RDH13: variants seen among roughly 807,000 people sequenced by gnomAD.
RDH13 encodes retinol dehydrogenase 13.
A neutral mutation model predicts 28.3 loss-of-function variants in RDH13; 35 were observed. The observed-to-expected ratio is 1.24, with a 90% CI of 0.95 to 1.64. RDH13 has a LOEUF of 1.64. Among genes scored for constraint, RDH13 ranks in the 40% most tolerant of loss-of-function variants. RDH13 has a pLI of 0.00. For missense variants in RDH13, 514 were observed against 446.3 expected (o/e 1.15, Z -1.37); for synonymous variants, 229 against 198.5 (o/e 1.15, Z -1.29).
At chr19:55,042,616 G>A (rs2075068027), downstream of RDH13, 1 of 152,212 alleles carries the variant, frequency 6.6e-6, no homozygotes, top group Admixed American at 6.6e-5. Context: ...CTCCCAGTAA[G>A]AAATACCTAC....
chr19:55,048,870 G>A (rs2147003575), intron 3 of RDH13, 107 bp from the exon 4 acceptor site: 2 of 997,724 alleles, frequency 2.0e-6, no homozygotes, highest in Non-Finnish European at 3.1e-6. Flanking sequence ...TGTGGCCTGT[G>A]CCGGAAACAG....
At chr19:55,048,302 G>A (rs767248180) in intron 5 of RDH13, 27 bp downstream of exon 5, 2 of 1,613,238 alleles carry the variant, frequency 1.2e-6, no homozygotes, top group African/African-American at 1.3e-5. Flanking sequence ...TAAAGCAAGA[G>A]GGAGGCCGAG....
At chr19:55,061,058 C>T (rs1270251250) in intron 1 of RDH13, among the ~76,000 whole-genome samples, 3 of 152,104 alleles carry the variant, frequency 2.0e-5, no homozygotes, top group Non-Finnish European at 2.9e-5. Flanking sequence ...CGCCACATTC[C>T]TCCACTCTTG....
In RDH13 at chr19:55,044,818, A is replaced by C; in HGVS notation, c.*256T>G. ...CTTCCTCCTCGGCCATTCCCAGTTT[A>C]GATTCCCAGGGGAAGCATCAGATGG... is the stretch of plus-strand genomic sequence containing the variant. On this transcript the variant is annotated 3_prime_UTR_variant, in exon 7 of 7. Transcript: ENST00000415061. The C allele has an allele frequency of 4.3e-6, 2 of 462,092 alleles. No individual in the cohort carries two copies. Among genetic ancestry groups the C allele is most frequent in the Non-Finnish European group, 7.6e-6 (2 of 264,172 alleles). 28.6% of individuals were successfully genotyped at this position (462,092 alleles called of 1,614,324 possible).
intron 3 of RDH13, among the ~76,000 whole-genome samples, chr19:55,052,430 G>A (rs2075476476): frequency 6.6e-6 from 1 of 151,386 alleles, no homozygotes; most frequent in Admixed American, 6.6e-5. Flanking sequence ...TGTAATCCCA[G>A]CTACTCGGGA....
chr19:55,047,045 CAG>C (rs2075258346), intron 6 of RDH13: 3 of 958,088 alleles, frequency 3.1e-6, no homozygotes, highest in Non-Finnish European at 4.1e-6. Flanking sequence ...GAAACAGGCT[CAG>C]AGGGGTAACA....
At chr19:55,068,113 TTCTC>T (rs111429895), upstream of RDH13, among the ~76,000 whole-genome samples, 15 of 144,310 alleles carry the variant, frequency 1.0e-4, no homozygotes, top group East Asian at 1.3e-3. Context: ...CTCTTCCTGT[TTCTC>T]TCTTTCTCTT....
chr19:55,048,699 G>C lies in RDH13; in HGVS notation c.405C>G (p.Thr135=). ...AGVMRCPHWT[T]EDGFEMQFGV... is the part of the protein sequence containing the mutation. ...CAAACTGCATCTCGAAGCCGTCCTC[G>C]GTGGTCCAGTGGGGGCACCGCATCA... Residue 135 remains threonine (T), a synonymous_variant, in exon 4 of 7, where the codon ACC becomes ACG. Transcript: ENST00000415061. 1 of 1,613,972 alleles carries C rather than the reference G, an allele frequency of 6.2e-7. No homozygotes were observed. The highest frequency in any genetic ancestry group is 8.5e-7 in the Non-Finnish European group (1 of 1,179,994).
chr19:55,061,791 C>CAAA (rs60108220), intron 1 of RDH13, among the ~76,000 whole-genome samples: 4 of 133,410 alleles, frequency 3.0e-5, no homozygotes, highest in Non-Finnish European at 4.8e-5. Flanking sequence ...ACCCTGTCTC[C>CAAA]AAAAAAAAAA....
rs552589281 is a variant in RDH13 at position 55,046,241 on chromosome 19, G to A, written c.761-932C>T. Among the ~76,000 whole-genome samples the A allele has an allele frequency of 1.3e-3, 62 of 46,654 alleles. No homozygotes were observed. In the South Asian group the frequency reaches 0.041, roughly 31 times the overall value. The allele number at this position is 46,654 out of a possible 152,430, so 30.6% of individuals were successfully genotyped here. On this transcript the variant is annotated intron_variant, in intron 6 of 6. Transcript: ENST00000415061. ...CAGCCTGGGTGACGAGCAAAACTCC[G>A]TCTCAAAAAAAAAAAGACATTTATT...
downstream of RDH13, chr19:55,041,703 C>T (rs552472770): frequency 2.8e-4 from 42 of 152,380 alleles, no homozygotes; most frequent in African/African-American, 9.6e-4. Flanking sequence ...AGACGCGACA[C>T]GCCGTGACGA....
chr19:55,056,526 C>A, intron 3 of RDH13, 127 bp downstream of exon 3: 1 of 1,190,458 alleles, frequency 8.4e-7, no homozygotes, highest in Non-Finnish European at 1.1e-6. Context: ...AGCAACTGGA[C>A]TTGGCCCCTA....
chr19:55,056,680 G>A lies in RDH13; in HGVS notation c.313C>T (p.Arg105Ter), dbSNP rs200525958. 1.2e-4 allele frequency: 201 copies of A among 1,613,846 alleles called. 1 individual carries two copies. The Middle Eastern group carries it at 1.5e-3, about 12-fold the overall frequency. ...HLDLASLKSI[R>*]EFAAKIIEEE... ...TCAATGATCTTTGCTGCAAACTCTC[G>A]GATAGACTTGAGGGAAGCCAAGTCC... is the stretch of plus-strand genomic sequence containing the variant. The change falls in exon 3 of 7, where the codon CGA becomes TGA. Residue 105 changes from arginine to a stop codon, truncating the protein, a stop_gained. Transcript: ENST00000415061. LOFTEE classifies it high-confidence loss of function.
At chr19:55,049,376 C>A (rs1328718288) in intron 3 of RDH13, among the ~76,000 whole-genome samples, 3 of 152,198 alleles carry the variant, frequency 2.0e-5, no homozygotes, top group African/African-American at 7.2e-5. Context: ...AAAGGACACA[C>A]AGATGGAGAC....
At chr19:55,043,162 G>A (rs1222629995), downstream of RDH13, 2 of 152,314 alleles carry the variant, frequency 1.3e-5, no homozygotes, top group Non-Finnish European at 2.9e-5. Flanking sequence ...AACAATTTGG[G>A]AGGCCATGGC....
chr19:55,051,729 GTTTTTTT>G (rs79209121), intron 3 of RDH13, among the ~76,000 whole-genome samples: 6 of 143,526 alleles, frequency 4.2e-5, no homozygotes, highest in Non-Finnish European at 1.5e-5. Flanking sequence ...CGCCCAGCCT[GTTTTTTT>G]TTTTTTCTTT....
chr19:55,059,731 G>A (rs2075754088), intron 1 of RDH13, among the ~76,000 whole-genome samples: 1 of 152,162 alleles, frequency 6.6e-6, no homozygotes, highest in South Asian at 2.1e-4. Context: ...TGTCTATATA[G>A]AAAGGAAAGA....
downstream of RDH13, chr19:55,041,838 C>G (rs1054796): frequency 0.68 from 102,998 of 151,484 alleles, 35,064 homozygotes; most frequent in Middle Eastern, 0.8. Flanking sequence ...CAGGCTCTCA[C>G]TGTGTGTGCT....
Position 55,048,262 on chromosome 19 carries a change from G to C in RDH13, c.658+67C>G, listed in dbSNP as rs140228338. On this transcript the variant is annotated intron_variant, in intron 5 of 6. Coordinates refer to ENST00000415061, the MANE Select transcript of RDH13 (RefSeq NM_001145971.2). ...ACCGTTTGGCCTCCCATCAGCCTAG[G>C]ATCATGGAAAGGCCGCTCTAGGCTC... 1,096 of 1,601,024 alleles carry C rather than the reference G, an allele frequency of 6.8e-4. 8 individuals carry two copies. In the Middle Eastern group the frequency reaches 0.011, roughly 16 times the overall value.
Sources: gnomAD v4.1 joint callset for allele counts (sites outside exome capture counted in the v4.1 genomes callset) on GRCh38, gnomAD v4.1.1 for gene constraint, MANE v1.5 for transcripts, NCBI Gene and HGNC (gene_info 2026-07-23, HGNC 2026-07-21) for gene names.